Variants in MPDZ observed in about 807,000 individuals in gnomAD.
MPDZ encodes multiple PDZ domain crumbs cell polarity complex component, also known as multiple PDZ domain protein.
In MPDZ, 234 loss-of-function variants were observed where a neutral mutation model predicts 239.1. That is an observed-to-expected ratio of 0.98 (90% CI 0.88 to 1.09). The LOEUF (loss-of-function observed/expected upper bound fraction) is 1.09. Ranked by LOEUF, MPDZ falls within the 50% of genes least tolerant of loss-of-function variation. The pLI, the probability that MPDZ is intolerant of heterozygous loss-of-function variation, is 0.00. For synonymous variants in MPDZ, 1,048 were observed against 881.3 expected, an observed-to-expected ratio of 1.19 and a Z score of -3.35; for missense variants, 3,175 against 2,510.0, an observed-to-expected ratio of 1.26 and a Z score of -5.66.
chr9:13,119,977 G>A (rs150088285), intron 38 of MPDZ: 6 of 262,544 alleles, frequency 2.3e-5, no homozygotes, highest in Non-Finnish European at 4.4e-5. Context: ...TTAAGAGTCA[G>A]TCCTTGGATG....
chr9:13,247,776 T>C lies in MPDZ; in HGVS notation c.42A>G (p.Ala14=). ...CTCGCAGCTTGGTTTGCAAGCGCTC[T>C]GCTGCATGCAGGGCCCGATTTTTGT... ...AIDKNRALHA[A]ERLQTKLRER... Residue 14 remains alanine (A), a synonymous_variant, in exon 3 of 47, where the codon GCA becomes GCG. Coordinates refer to ENST00000319217, the MANE Select transcript of MPDZ (RefSeq NM_001378778.1). 1 of 1,610,190 alleles carries C rather than the reference T, an allele frequency of 6.2e-7. No homozygotes were observed. The highest frequency in any genetic ancestry group is 1.1e-5 in the South Asian group (1 of 90,884).
At chr9:13,270,466 A>C (rs548950038) in intron 1 of MPDZ, among the ~76,000 whole-genome samples, 24 of 152,244 alleles carry the variant, frequency 1.6e-4, no homozygotes, top group Admixed American at 3.3e-4. Flanking sequence ...AGCCACACTG[A>C]AACACACTAC....
At chr9:13,122,325 G>C (rs1354678704) in intron 36 of MPDZ, among the ~76,000 whole-genome samples, 155 bp from the exon 37 acceptor site, 1 of 152,100 alleles carries the variant, frequency 6.6e-6, no homozygotes, top group East Asian at 1.9e-4. Context: ...AAGGGAAAGT[G>C]TAACAACAAT....
At chr9:13,122,246 CATT>C (rs1280074906) in intron 36 of MPDZ, 76 bp from the exon 37 acceptor site, 1 of 1,296,220 alleles carries the variant, frequency 7.7e-7, no homozygotes, top group Non-Finnish European at 1.1e-6. Flanking sequence ...AGTCCAAACA[CATT>C]ATACTTTGAT....
At position 13,168,489 on chromosome 9, in the gene MPDZ, C is replaced by T. The variant is rs374370475; in HGVS notation, c.3131G>A (p.Arg1044Gln). The T allele has an allele frequency of 2.9e-5, 46 of 1,613,398 alleles. No homozygotes were observed. In the African/African-American group the frequency reaches 4.8e-4, roughly 17 times the overall value. Residue 1044 changes from arginine (R) to glutamine (Q), a missense_variant, in exon 22 of 47, where the codon CGA becomes CAA. By Grantham distance (43) the Arg-to-Gln change is conservative (BLOSUM62 1). Transcript: ENST00000319217. Reference sequence around the variant, plus strand: ...GTCCCCAATGGCAATCCGGCCATCTCGACTAATGGCACCTCCATGAATAAT... The same window carrying T: ...GTCCCCAATGGCAATCCGGCCATCTTGACTAATGGCACCTCCATGAATAAT... ...RSIIHGGAISRDGRIAIGDCI... is the reference protein window; with the variant it reads ...RSIIHGGAISQDGRIAIGDCI...
intron 3 of MPDZ, among the ~76,000 whole-genome samples, chr9:13,226,346 A>C (rs192639673): frequency 6.6e-6 from 1 of 152,152 alleles, no homozygotes; most frequent in South Asian, 2.1e-4. Context: ...TTTCATATTT[A>C]TGTTGGGTGC....
intron 10 of MPDZ, among the ~76,000 whole-genome samples, chr9:13,207,835 C>T (rs1957169494): frequency 6.6e-6 from 1 of 152,098 alleles, no homozygotes; most frequent in African/African-American, 2.4e-5. Context: ...AGGTCAAAAA[C>T]TTATTTGTAA....
Position 13,125,238 on chromosome 9 carries a change from G to A in MPDZ, c.4785C>T (p.Ser1595=), listed in dbSNP as rs761190175. ...TACTTCGGATGGACTCCGGTTCTGG[G>A]GAGCCAGACTGTGGGACCATCAGAG... ...SQSLMVPQSG[S]PEPESIRNTS... Residue 1595 remains serine (S), a synonymous_variant, in exon 35 of 47, where the codon TCC becomes TCT. Coordinates refer to ENST00000319217, the MANE Select transcript of MPDZ (RefSeq NM_001378778.1). 5.0e-6 allele frequency: 8 copies of A among 1,604,432 alleles called. No individual in the cohort carries two copies. The Admixed American group carries it at 1.2e-4, about 24-fold the overall frequency.
chr9:13,185,854 T>C (rs751571046), intron 18 of MPDZ, among the ~76,000 whole-genome samples: 2 of 152,170 alleles, frequency 1.3e-5, no homozygotes, highest in African/African-American at 2.4e-5. Flanking sequence ...AACCAATTTA[T>C]ATGATTCTCA....
At chr9:13,185,197 T>A (rs1426338459) in intron 18 of MPDZ, among the ~76,000 whole-genome samples, 2 of 152,010 alleles carry the variant, frequency 1.3e-5, no homozygotes, top group Non-Finnish European at 2.9e-5. Context: ...GTATGTTAAG[T>A]ATTACAGTGT....
chr9:13,234,746 T>C (rs1437854063), intron 3 of MPDZ, among the ~76,000 whole-genome samples: 1 of 152,184 alleles, frequency 6.6e-6, no homozygotes, highest in Admixed American at 6.5e-5. Context: ...CACCTTATTG[T>C]AATGAGAAAC....
chr9:13,155,305 C>A (rs987084190), intron 24 of MPDZ, among the ~76,000 whole-genome samples: 4 of 152,144 alleles, frequency 2.6e-5, no homozygotes, highest in African/African-American at 9.7e-5. Flanking sequence ...TACAGGCCAG[C>A]AATTCCAATT....
At chr9:13,114,801 G>C (rs1943115384) in intron 40 of MPDZ, among the ~76,000 whole-genome samples, 1 of 152,072 alleles carries the variant, frequency 6.6e-6, no homozygotes, top group South Asian at 2.1e-4. Context: ...TCGGGAAGTA[G>C]AGACAGAAGA....
At chr9:13,153,038 T>C (rs1055092361) in intron 24 of MPDZ, among the ~76,000 whole-genome samples, 8 of 152,186 alleles carry the variant, frequency 5.3e-5, no homozygotes, top group African/African-American at 1.7e-4. Context: ...AAGACAATGT[T>C]GGACATTAAG....
intron 1 of MPDZ, among the ~76,000 whole-genome samples, chr9:13,252,991 T>C (rs1219706978): frequency 6.6e-6 from 1 of 152,200 alleles, no homozygotes; most frequent in Non-Finnish European, 1.5e-5. Flanking sequence ...AGGATAAAAT[T>C]ATACATGTGT....
At chr9:13,233,087 A>C (rs1324576728) in intron 3 of MPDZ, among the ~76,000 whole-genome samples, 1 of 152,182 alleles carries the variant, frequency 6.6e-6, no homozygotes, top group Non-Finnish European at 1.5e-5. Context: ...GAACTTTCAT[A>C]CACTAAATAT....
At chr9:13,272,416 G>A (rs148983156) in intron 1 of MPDZ, among the ~76,000 whole-genome samples, 1 of 152,266 alleles carries the variant, frequency 6.6e-6, no homozygotes, top group African/African-American at 2.4e-5. Flanking sequence ...AAATCAGAAT[G>A]AAGAGCCATT....
intron 12 of MPDZ, among the ~76,000 whole-genome samples, chr9:13,201,713 T>G (rs1335303857): frequency 6.6e-6 from 1 of 152,122 alleles, no homozygotes; most frequent in Non-Finnish European, 1.5e-5. Flanking sequence ...CAATCAAAAC[T>G]TTCTAATGAG....
intron 46 of MPDZ, among the ~76,000 whole-genome samples, chr9:13,108,667 G>C (rs958348026): frequency 2.0e-5 from 3 of 151,990 alleles, no homozygotes; most frequent in Admixed American, 6.6e-5. Flanking sequence ...AAAAAAAATA[G>C]GCTTTACTAA....
Sources: gnomAD v4.1 joint callset for allele counts (sites outside exome capture counted in the v4.1 genomes callset) on GRCh38, gnomAD v4.1.1 for gene constraint, MANE v1.5 for transcripts, NCBI Gene and HGNC (gene_info 2026-07-23, HGNC 2026-07-21) for gene names.